Variants in FDFT1 observed in about 807,000 individuals in gnomAD.
FDFT1 encodes farnesyl-diphosphate farnesyltransferase 1.
FDFT1 carries 68 observed loss-of-function variants against 46.8 expected under a neutral mutation model. That is an observed-to-expected ratio of 1.45 (90% CI 1.19 to 1.78). The LOEUF (loss-of-function observed/expected upper bound fraction) is 1.78. Ranked by LOEUF, FDFT1 falls within the 40% of genes most tolerant of loss-of-function variation. The pLI is 0.00. For missense variants in FDFT1, 928 were observed against 524.4 expected, an observed-to-expected ratio of 1.77 and a Z score of -7.52; for synonymous variants, 351 against 185.1, an observed-to-expected ratio of 1.90 and a Z score of -7.28.
At chr8:11,813,711 G>A (rs183603534) in intron 3 of FDFT1, among the ~76,000 whole-genome samples, 68 of 152,240 alleles carry the variant, frequency 4.5e-4, no homozygotes, top group African/African-American at 1.5e-3. Flanking sequence ...CTGTGAACTC[G>A]CTCTGGGACC....
At chr8:11,817,647 T>G (rs1808644599) in intron 3 of FDFT1, among the ~76,000 whole-genome samples, 2 of 152,244 alleles carry the variant, frequency 1.3e-5, no homozygotes, top group South Asian at 4.1e-4. Flanking sequence ...TCTAGCTTAT[T>G]TGCATAGAGG....
chr8:11,807,002 G>C (rs1030059201), intron 1 of FDFT1, among the ~76,000 whole-genome samples: 3 of 139,412 alleles, frequency 2.2e-5, no homozygotes, highest in South Asian at 2.6e-4. Flanking sequence ...GGCAAAATAC[G>C]TATTCATGAT....
At chr8:11,809,566 G>A in intron 2 of FDFT1, 101 bp from the exon 3 acceptor site, 3 of 1,339,568 alleles carry the variant, frequency 2.2e-6, no homozygotes, top group East Asian at 5.0e-5. Context: ...TTAGAGTTAA[G>A]GGTGAGATGG....
At chr8:11,837,135 G>C (rs1811650200) in intron 7 of FDFT1, among the ~76,000 whole-genome samples, 1 of 152,280 alleles carries the variant, frequency 6.6e-6, no homozygotes, top group Admixed American at 6.5e-5. Context: ...GAAGGGACGT[G>C]GGAGGCGCAT....
chr8:11,826,059 C>G lies in FDFT1; in HGVS notation c.546C>G (p.Gly182=). 2 of 1,603,400 alleles carry G rather than the reference C, an allele frequency of 1.2e-6. No homozygotes were observed. The highest frequency in any genetic ancestry group is 1.7e-6 in the Non-Finnish European group (2 of 1,171,864). The change falls in exon 5 of 8, where the codon GGC becomes GGG. Residue 182 remains glycine, a synonymous_variant. Transcript: ENST00000220584. ...CHYVAGLVGI[G]LSRLFSASEF... ...ATGTTGCTGGGCTGGTCGGAATTGGCCTTTCCCGTCTTTTCTCAGCCTCAG... is the reference window on the plus strand; with the variant it reads ...ATGTTGCTGGGCTGGTCGGAATTGGGCTTTCCCGTCTTTTCTCAGCCTCAG...
At chr8:11,804,516 C>G (rs983718640) in intron 1 of FDFT1, among the ~76,000 whole-genome samples, 2 of 151,172 alleles carry the variant, frequency 1.3e-5, no homozygotes, top group African/African-American at 2.4e-5. Context: ...CCCCATGAGC[C>G]GTTAAAAAAA....
At chr8:11,797,084 A>G (rs1001356091) in intron 1 of FDFT1, among the ~76,000 whole-genome samples, 4 of 152,226 alleles carry the variant, frequency 2.6e-5, no homozygotes, top group Non-Finnish European at 4.4e-5. Flanking sequence ...AAGGGGTGGT[A>G]AATCCTGGGT....
intron 1 of FDFT1, 72 bp from the exon 2 acceptor site, chr8:11,808,704 CCCCAGTCCCACTCCCACT>C (rs1807246503): frequency 7.1e-7 from 1 of 1,406,096 alleles, no homozygotes; most frequent in Non-Finnish European, 9.3e-7. Context: ...GAGCCGCCTG[CCCCAGTCCCACTCCCACT>C]CCCACTCCCA....
At chr8:11,807,102 G>T (rs1178672291) in intron 1 of FDFT1, among the ~76,000 whole-genome samples, 1 of 151,890 alleles carries the variant, frequency 6.6e-6, no homozygotes, top group African/African-American at 2.4e-5. Flanking sequence ...AGTGACTATG[G>T]AATTTCCTAG....
intron 4 of FDFT1, 100 bp from the exon 5 acceptor site, chr8:11,825,924 A>C (rs1423704876): frequency 7.5e-6 from 5 of 666,988 alleles, no homozygotes; most frequent in South Asian, 4.4e-5. Flanking sequence ...ATTCTTACCC[A>C]TTCTCTTTTG....
At chr8:11,795,865 C>T (rs544441904) in exon 1 of FDFT1, 1 of 153,182 alleles carries the variant, frequency 6.5e-6, no homozygotes, top group Admixed American at 6.5e-5. Context: ...ACTCCGAACA[C>T]ATCTGAACAT....
chr8:11,828,870 C>A (rs1419832076), intron 5 of FDFT1, among the ~76,000 whole-genome samples: 1 of 152,214 alleles, frequency 6.6e-6, no homozygotes, highest in Admixed American at 6.5e-5. Flanking sequence ...TAGTATTATT[C>A]CACTGTGTGG....
upstream of FDFT1, among the ~76,000 whole-genome samples, chr8:11,798,968 G>A (rs1272177841): frequency 2.6e-5 from 4 of 152,226 alleles, no homozygotes; most frequent in African/African-American, 7.2e-5. Context: ...AGGAAAAGGC[G>A]TTTGAGGTAG....
At chr8:11,819,298 A>G (rs558483994) in intron 3 of FDFT1, among the ~76,000 whole-genome samples, 31 of 152,096 alleles carry the variant, frequency 2.0e-4, no homozygotes, top group Admixed American at 4.6e-4. Flanking sequence ...CTTCATTTCA[A>G]CGTTGGTGAA....
chr8:11,829,087 A>T lies in FDFT1; in HGVS notation c.703-1157A>T, dbSNP rs144421109. Among the ~76,000 whole-genome samples, 862 of 152,326 alleles carry T rather than the reference A, an allele frequency of 5.7e-3. 6 individuals are homozygous for T. The highest frequency in any genetic ancestry group is 9.3e-3 in the Non-Finnish European group (633 of 68,028). On this transcript the variant is annotated intron_variant, in intron 5 of 7. Transcript: ENST00000220584. ...TGAGGAGCTGCCAGACGCTTTTCCAAGGTCGCTCCACCATTTTACATTCCC... is the reference window on the plus strand; with the variant it reads ...TGAGGAGCTGCCAGACGCTTTTCCATGGTCGCTCCACCATTTTACATTCCC...
intron 7 of FDFT1, among the ~76,000 whole-genome samples, chr8:11,833,779 T>C (rs1811183334): frequency 6.6e-6 from 1 of 152,232 alleles, no homozygotes; most frequent in Non-Finnish European, 1.5e-5. Flanking sequence ...GAAAATATTT[T>C]TTGGCCCTTG....
chr8:11,803,264 G>C (rs529621308), intron 1 of FDFT1: 12 of 1,345,000 alleles, frequency 8.9e-6, no homozygotes, highest in Non-Finnish European at 1.2e-5. Context: ...AGGCAATGTG[G>C]GTGGGTTACG....
intron 1 of FDFT1, among the ~76,000 whole-genome samples, chr8:11,806,006 C>G (rs931394331): frequency 6.6e-6 from 1 of 152,134 alleles, no homozygotes; most frequent in African/African-American, 2.4e-5. Flanking sequence ...TATGTAAATT[C>G]AGTTCTCAAG....
At position 11,802,918 on chromosome 8, in the gene FDFT1, C is replaced by A; in HGVS notation, c.86C>A (p.Pro29His). The change falls in exon 1 of 8, where the codon CCC (proline) becomes CAC (histidine). Residue 29 changes from proline to histidine, a missense_variant. Transcript: ENST00000220584. ...FRIGGKRKVMPKMDQDSLSSS... is the reference protein window; with the variant it reads ...FRIGGKRKVMHKMDQDSLSSS... ...ATCGGGGGCAAGCGGAAGGTGATGC[C>A]CAAGATGGACCAGGTGGGCCGAGCC... 3 of 1,608,706 alleles carry A rather than the reference C, an allele frequency of 1.9e-6. No homozygotes were observed. Among genetic ancestry groups the A allele is most frequent in the Non-Finnish European group, 2.5e-6 (3 of 1,177,574 alleles).
Sources: allele counts gnomAD v4.1 joint callset (sites outside exome capture counted in the v4.1 genomes callset), GRCh38; gene constraint gnomAD v4.1.1; transcripts MANE v1.5; gene names NCBI Gene and HGNC (gene_info 2026-07-23, HGNC 2026-07-21).